Variants in IQCJ observed in about 807,000 individuals in gnomAD.
IQCJ encodes the protein IQ motif containing J.
A neutral mutation model predicts 11.0 loss-of-function variants in IQCJ; 9 were observed. The observed-to-expected ratio is 0.82, with a 90% CI of 0.49 to 1.43. IQCJ has a LOEUF of 1.43. IQCJ is among the 40% of genes most tolerant of loss of function. The pLI is 0.00. For synonymous variants in IQCJ, 55 were observed against 51.3 expected (o/e 1.07, Z -0.31); for missense variants, 146 against 133.2 (o/e 1.10, Z -0.47).
In IQCJ at chr3:159,263,055, A is replaced by C. The variant is rs1272313154; in HGVS notation, c.*324A>C. On this transcript the variant is annotated 3_prime_UTR_variant, in exon 4 of 4. Transcript: ENST00000397832. ...GAAGATAAGATTGGTTATAAGGAGTAGAAAGAGAACTTTTACCAGAAGAAT... is the reference window on the plus strand; with the variant it reads ...GAAGATAAGATTGGTTATAAGGAGTCGAAAGAGAACTTTTACCAGAAGAAT... 7 of 1,009,140 alleles carry C rather than the reference A, an allele frequency of 6.9e-6. No individual in the cohort carries two copies. Among genetic ancestry groups the C allele is most frequent in the Non-Finnish European group, 8.3e-6 (7 of 844,660 alleles). 62.5% of individuals were successfully genotyped at this position (1,009,140 alleles called of 1,614,324 possible).
At chr3:159,192,041 A>G (rs1007658029) in intron 1 of IQCJ, among the ~76,000 whole-genome samples, 1 of 152,192 alleles carries the variant, frequency 6.6e-6, no homozygotes, top group Non-Finnish European at 1.5e-5. Context: ...CAGAGAAGTG[A>G]CAGTCCTATA....
At chr3:159,247,789 A>T (rs1364143135) in intron 2 of IQCJ, among the ~76,000 whole-genome samples, 1 of 152,188 alleles carries the variant, frequency 6.6e-6, no homozygotes, top group Non-Finnish European at 1.5e-5. Context: ...GCCTTGTGGA[A>T]GAGGAATTCT....
At chr3:159,162,324 T>C (rs1459347732) in intron 1 of IQCJ, among the ~76,000 whole-genome samples, 2 of 152,224 alleles carry the variant, frequency 1.3e-5, no homozygotes, top group Non-Finnish European at 2.9e-5. Flanking sequence ...ATGATTTGGC[T>C]GTCTGTTTGT....
Position 159,185,443 on chromosome 3 carries a change from C to T in IQCJ, c.10-60400C>T, listed in dbSNP as rs185555714. On this transcript the variant is annotated intron_variant, in intron 1 of 3. Transcript: ENST00000397832. ...ATAGAAAGGATCCTGAGTGCCAATCCACTATATTCATCAAAGCTATGGTTG... is the reference window on the plus strand; with the variant it reads ...ATAGAAAGGATCCTGAGTGCCAATCTACTATATTCATCAAAGCTATGGTTG... Among the ~76,000 whole-genome samples, 809 of 152,274 alleles carry T rather than the reference C, an allele frequency of 5.3e-3. 7 individuals are homozygous for T. Among genetic ancestry groups the T allele is most frequent in the Non-Finnish European group, 8.6e-3 (582 of 68,026 alleles).
downstream of IQCJ, chr3:159,265,746 C>T (rs1173883581): frequency 2.9e-5 from 5 of 170,458 alleles, no homozygotes; most frequent in South Asian, 7.2e-4. Flanking sequence ...CTAACACAAC[C>T]TTAATGGAGG....
chr3:159,198,998 A>C (rs1433511881), intron 1 of IQCJ, among the ~76,000 whole-genome samples: 1 of 152,216 alleles, frequency 6.6e-6, no homozygotes, highest in Non-Finnish European at 1.5e-5. Context: ...TTCACTTAGA[A>C]TATTCAAAGA....
downstream of IQCJ, chr3:159,265,409 C>T: frequency 6.2e-7 from 1 of 1,608,470 alleles, no homozygotes; most frequent in East Asian, 2.2e-5. Flanking sequence ...AGTGAATGGA[C>T]CTCAAGTTTA....
intron 1 of IQCJ, among the ~76,000 whole-genome samples, chr3:159,093,165 C>G (rs1008549426): frequency 6.6e-6 from 1 of 151,844 alleles, no homozygotes; most frequent in African/African-American, 2.4e-5. Flanking sequence ...ATCTTCTACT[C>G]ACATCTCAGT....
At chr3:159,079,800 T>A (rs1429134388) in intron 1 of IQCJ, among the ~76,000 whole-genome samples, 1 of 152,114 alleles carries the variant, frequency 6.6e-6, no homozygotes, top group East Asian at 1.9e-4. Flanking sequence ...GGATCTTAAA[T>A]GCTTAGGTTG....
chr3:159,114,243 A>G (rs1718814119), intron 1 of IQCJ, among the ~76,000 whole-genome samples: 1 of 152,024 alleles, frequency 6.6e-6, no homozygotes, highest in South Asian at 2.1e-4. Flanking sequence ...TGGTGTATGA[A>G]TAATCTTTTG....
At chr3:159,221,677 A>T (rs1217159819) in intron 1 of IQCJ, among the ~76,000 whole-genome samples, 4 of 152,152 alleles carry the variant, frequency 2.6e-5, no homozygotes, top group African/African-American at 9.7e-5. Flanking sequence ...AAGTTAAAAG[A>T]CAAGGCCCTG....
intron 1 of IQCJ, among the ~76,000 whole-genome samples, chr3:159,129,997 G>T (rs993497002): frequency 2.0e-5 from 3 of 148,970 alleles, no homozygotes; most frequent in African/African-American, 7.5e-5. Context: ...AGTGTAGATT[G>T]GTGTGAGCAA....
intron 1 of IQCJ, among the ~76,000 whole-genome samples, chr3:159,159,747 AT>A (rs1212316063): frequency 6.6e-6 from 1 of 152,102 alleles, no homozygotes; most frequent in African/African-American, 2.4e-5. Flanking sequence ...ATGAGGGTGG[AT>A]CCCTCGTAAA....
intron 1 of IQCJ, among the ~76,000 whole-genome samples, chr3:159,144,012 A>G (rs1050613194): frequency 1.3e-5 from 2 of 152,156 alleles, no homozygotes; most frequent in Non-Finnish European, 2.9e-5. Context: ...CTGTGCCCTC[A>G]AGTCCTTTTA....
intron 1 of IQCJ, among the ~76,000 whole-genome samples, chr3:159,102,904 A>G (rs1718021933): frequency 6.6e-6 from 1 of 152,190 alleles, no homozygotes; most frequent in Non-Finnish European, 1.5e-5. Flanking sequence ...TTTATTCTTG[A>G]TATGATCATC....
At chr3:159,221,452 T>C (rs928872349) in intron 1 of IQCJ, among the ~76,000 whole-genome samples, 5 of 152,092 alleles carry the variant, frequency 3.3e-5, no homozygotes, top group African/African-American at 1.2e-4. Flanking sequence ...GTCCTAGAAT[T>C]CTGAAGGGAA....
At chr3:159,199,099 A>T (rs1724164423) in intron 1 of IQCJ, among the ~76,000 whole-genome samples, 1 of 152,232 alleles carries the variant, frequency 6.6e-6, no homozygotes. Flanking sequence ...AGATAGTTGT[A>T]GTAGGCAGAA....
chr3:159,117,252 C>T (rs1286243423), intron 1 of IQCJ, among the ~76,000 whole-genome samples: 2 of 152,134 alleles, frequency 1.3e-5, no homozygotes, highest in Non-Finnish European at 2.9e-5. Flanking sequence ...CTTCTTTGCT[C>T]TGTCCAGGTT....
intron 1 of IQCJ, among the ~76,000 whole-genome samples, chr3:159,211,962 G>A (rs892190691): frequency 1.6e-4 from 25 of 151,980 alleles, no homozygotes; most frequent in African/African-American, 5.8e-4. Flanking sequence ...GAGAGCAGCT[G>A]AGTTCAGTAG....
Sources: allele counts gnomAD v4.1 joint callset (sites outside exome capture counted in the v4.1 genomes callset), GRCh38; gene constraint gnomAD v4.1.1; transcripts MANE v1.5; gene names NCBI Gene and HGNC (gene_info 2026-07-23, HGNC 2026-07-21).